The following CBL variants were observed in gnomAD, a reference collection of about 807,000 sequenced individuals.
CBL encodes the protein E3 ubiquitin-protein ligase CBL.
In CBL, 45 loss-of-function variants were observed where a neutral mutation model predicts 96.9. The observed-to-expected ratio is 0.46, with a 90% CI of 0.37 to 0.60. The LOEUF is 0.60. Ranked by LOEUF, CBL falls within the 20% of genes least tolerant of loss-of-function variation. The probability of loss-of-function intolerance (pLI) is 0.00; values close to 1 mark genes in which losing one functional copy is unlikely to be tolerated. For synonymous variants in CBL, 420 were observed against 426.8 expected, an observed-to-expected ratio of 0.98 and a Z score of 0.20; for missense variants, 1,024 against 1,143.5, an observed-to-expected ratio of 0.90 and a Z score of 1.51.
At chr11:119,265,902 G>A (rs1211852822) in intron 2 of CBL, among the ~76,000 whole-genome samples, 1 of 151,480 alleles carries the variant, frequency 6.6e-6, no homozygotes, top group East Asian at 2.0e-4. Context: ...TGTGCCTGTA[G>A]TCCCAGCTAC....
chr11:119,264,015 C>T (rs767470233), intron 2 of CBL, among the ~76,000 whole-genome samples: 1 of 152,180 alleles, frequency 6.6e-6, no homozygotes, highest in Non-Finnish European at 1.5e-5. Flanking sequence ...TATACCATCA[C>T]TGAATGGCAA....
chr11:119,231,026 G>T (rs574381701), intron 1 of CBL, among the ~76,000 whole-genome samples: 2 of 152,178 alleles, frequency 1.3e-5, no homozygotes, highest in African/African-American at 2.4e-5. Flanking sequence ...GGCAAATTCT[G>T]AGAGTCCAAA....
In CBL at chr11:119,300,350, A is replaced by G. The variant is rs1289641466; in HGVS notation, c.*569A>G. The G allele has an allele frequency of 2.5e-6, 1 of 404,504 alleles. No homozygotes were observed. The highest frequency in any genetic ancestry group is 2.1e-5 in the African/African-American group (1 of 48,156). The allele number at this position is 404,504 out of a possible 1,614,324, so 25.1% of individuals were successfully genotyped here. On this transcript the variant is annotated 3_prime_UTR_variant, in exon 16 of 16. Transcript: ENST00000264033. Reference sequence around the variant, plus strand: ...CCCTTTGGCTTATATTACCATGTGCATAGCTAAAGTCTTCTATTTTTAGAA... The same window carrying G: ...CCCTTTGGCTTATATTACCATGTGCGTAGCTAAAGTCTTCTATTTTTAGAA...
chr11:119,297,597 A>G (rs557552685), intron 14 of CBL, 116 bp downstream of exon 14: 2 of 775,874 alleles, frequency 2.6e-6, no homozygotes, highest in South Asian at 2.9e-5. Context: ...AGCTGGGACT[A>G]CAGGTACGTG....
At chr11:119,230,372 C>G (rs531063384) in intron 1 of CBL, among the ~76,000 whole-genome samples, 4 of 152,076 alleles carry the variant, frequency 2.6e-5, no homozygotes, top group Admixed American at 2.0e-4. Context: ...GATCTCCTGA[C>G]CTCGTGATCC....
In CBL at chr11:119,233,828, G is replaced by A. The variant is rs117678426; in HGVS notation, c.443+1133G>A. On this transcript the variant is annotated intron_variant, in intron 2 of 15. Coordinates refer to ENST00000264033, the MANE Select transcript of CBL (RefSeq NM_005188.4). ...TGACTCTAGCAGTAACATACTAAAT[G>A]GTGTCCTTGTTGTCTACCTTTCCTT... Among the ~76,000 whole-genome samples, 83 of 152,194 alleles carry A rather than the reference G, an allele frequency of 5.5e-4. 1 individual carries two copies. The East Asian group carries it at 0.013, about 23-fold the overall frequency.
chr11:119,299,068 G>A (rs1950082170), intron 15 of CBL, among the ~76,000 whole-genome samples: 2 of 152,330 alleles, frequency 1.3e-5, no homozygotes, highest in South Asian at 4.1e-4. Flanking sequence ...TACAGCCTTC[G>A]CTTGCCCAGA....
intron 1 of CBL, among the ~76,000 whole-genome samples, chr11:119,218,081 A>G (rs1949377449): frequency 6.6e-6 from 1 of 152,104 alleles, no homozygotes; most frequent in African/African-American, 2.4e-5. Flanking sequence ...TAAATAAAGG[A>G]AAGGAAAAAG....
At chr11:119,217,579 C>T (rs1949372328) in intron 1 of CBL, among the ~76,000 whole-genome samples, 1 of 152,160 alleles carries the variant, frequency 6.6e-6, no homozygotes, top group Non-Finnish European at 1.5e-5. Flanking sequence ...AGAGATTTTG[C>T]ATTCCTAATC....
At chr11:119,260,501 A>G (rs544966428) in intron 2 of CBL, among the ~76,000 whole-genome samples, 4 of 152,246 alleles carry the variant, frequency 2.6e-5, no homozygotes, top group Middle Eastern at 3.4e-3. Context: ...CATCTGTAAA[A>G]TGGGGATAAT....
intron 1 of CBL, among the ~76,000 whole-genome samples, chr11:119,212,130 GC>G (rs1949323551): frequency 6.6e-6 from 1 of 151,712 alleles, no homozygotes; most frequent in African/African-American, 2.4e-5. Context: ...TGTTGGGCAG[GC>G]TGGTCTCGAA....
chr11:119,277,830 A>G lies in CBL; in HGVS notation c.1081A>G (p.Ile361Val), dbSNP rs753498708. The change falls in exon 7 of 16, where the codon ATC (isoleucine) becomes GTC (valine). Residue 361 changes from isoleucine to valine, a missense_variant. Ile to Val is a conservative substitution (Grantham distance 29). Around this residue, in one of 4 missense-constraint regions of CBL, gnomAD observed 695 missense variants for 661.6 expected, o/e 1.05. Coordinates refer to ENST00000264033, the MANE Select transcript of CBL (RefSeq NM_005188.4). ...ATGTGAACCAACTCCCCAAGACCAT[A>G]TCAAAGTGACCCAGGTGAGTTTTGT... ...GLCEPTPQDH[I>V]KVTQEQYELY... 1 of 1,612,282 alleles carries G rather than the reference A, an allele frequency of 6.2e-7. No individual in the cohort carries two copies. Among genetic ancestry groups the G allele is most frequent in the East Asian group, 2.2e-5 (1 of 44,864 alleles).
intron 1 of CBL, among the ~76,000 whole-genome samples, chr11:119,213,054 A>G (rs1949330933): frequency 6.6e-6 from 1 of 151,850 alleles, no homozygotes; most frequent in Non-Finnish European, 1.5e-5. Flanking sequence ...AGCTCAAATA[A>G]TTCTCCCACC....
intron 9 of CBL, among the ~76,000 whole-genome samples, chr11:119,281,925 G>C (rs1325234406): frequency 1.3e-5 from 2 of 152,046 alleles, no homozygotes; most frequent in East Asian, 3.9e-4. Context: ...TTTCTATTTG[G>C]ATATTTATGT....
intron 2 of CBL, among the ~76,000 whole-genome samples, chr11:119,262,319 A>G (rs1249258701): frequency 6.6e-6 from 1 of 152,252 alleles, no homozygotes; most frequent in Non-Finnish European, 1.5e-5. Context: ...GTAAAGTGGT[A>G]TCCTTGATTG....
chr11:119,234,670 C>T (rs541078905), intron 2 of CBL, among the ~76,000 whole-genome samples: 8 of 152,146 alleles, frequency 5.3e-5, no homozygotes, highest in Non-Finnish European at 1.0e-4. Flanking sequence ...CAGTGACATG[C>T]ACCTGTAATT....
chr11:119,242,700 C>T (rs1469804675), intron 2 of CBL, among the ~76,000 whole-genome samples: 1 of 146,770 alleles, frequency 6.8e-6, no homozygotes, highest in Non-Finnish European at 1.5e-5. Flanking sequence ...ACTTGAGCCG[C>T]TGCACTATAG....
At chr11:119,214,762 T>C (rs996004985) in intron 1 of CBL, among the ~76,000 whole-genome samples, 1 of 152,140 alleles carries the variant, frequency 6.6e-6, no homozygotes, top group Non-Finnish European at 1.5e-5. Flanking sequence ...TAGTTTAGAT[T>C]GTAGTTCACC....
intron 1 of CBL, among the ~76,000 whole-genome samples, chr11:119,219,387 AAAAG>A (rs953187695): frequency 2.5e-4 from 38 of 151,718 alleles, no homozygotes; most frequent in Admixed American, 3.9e-4. Context: ...AAAAAAAAAA[AAAAG>A]AAAGAAAGAA....
Sources: gnomAD v4.1 joint callset for allele counts (sites outside exome capture counted in the v4.1 genomes callset) on GRCh38, gnomAD v4.1.1 for gene constraint, gnomAD v4.1.1 regional missense constraint, MANE v1.5 for transcripts, NCBI Gene and HGNC (gene_info 2026-07-23, HGNC 2026-07-21) for gene names.